Variants in SPTBN5 observed in about 807,000 individuals in gnomAD.
SPTBN5 encodes the protein spectrin beta, non-erythrocytic 5.
Under a neutral mutation model 477.6 loss-of-function variants are expected in SPTBN5, and 513 were observed. The ratio of observed to expected loss-of-function variants is 1.07; its 90% CI spans 1.00 to 1.16. SPTBN5 has a LOEUF of 1.16. Ranked by LOEUF, SPTBN5 falls within the 50% of genes most tolerant of loss-of-function variation. The pLI, the probability that SPTBN5 is intolerant of heterozygous loss-of-function variation, is 0.00. For synonymous variants in SPTBN5, 2,169 were observed against 2,011.7 expected (o/e 1.08, Z -2.09); for missense variants, 5,062 against 4,731.8 (o/e 1.07, Z -2.05).
rs1266766478 is a variant in SPTBN5, at chr15:41,893,470, C to T, written c.28G>A (p.Glu10Lys). The change falls in exon 2 of 68, where the codon GAG becomes AAG. Residue 10 changes from glutamate (E) to lysine (K), a missense_variant. Physicochemically the swap from Glu to Lys is moderately conservative, Grantham distance 56 (BLOSUM62 1). Coordinates refer to ENST00000320955, the MANE Select transcript of SPTBN5 (RefSeq NM_016642.4). MAGQPHSPRELLGAAGHRSR... is the reference protein window; with the variant it reads MAGQPHSPRKLLGAAGHRSR... ...CGGTGCCCTGCAGCCCCGAGGAGCT[C>T]CCGGGGACTGTGGGGCTGACCAGCC... 3.1e-6 allele frequency: 5 copies of T among 1,598,918 alleles called. No individual in the cohort carries two copies. The highest frequency in any genetic ancestry group is 4.3e-6 in the Non-Finnish European group (5 of 1,175,232).
At position 41,873,830 on chromosome 15, in the gene SPTBN5, C is replaced by T. The variant is rs2066623113; in HGVS notation, c.4890+15G>A. On this transcript the variant is annotated intron_variant, in intron 25 of 67. Coordinates refer to ENST00000320955, the MANE Select transcript of SPTBN5 (RefSeq NM_016642.4). The stretch of plus-strand genomic sequence containing the variant: ...CTTCTGCCTCTTCCCCCAACCCCAC[C>T]TCTCTGCATCCTACCTGCTGGAAAG... The T allele has an allele frequency of 1.2e-6, 2 of 1,608,498 alleles. No individual in the cohort carries two copies. The highest frequency in any genetic ancestry group is 2.2e-5 in the East Asian group (1 of 44,894).
chr15:41,848,179 G>C lies in SPTBN5; in HGVS notation c.*437C>G. 1.9e-6 allele frequency: 1 copy of C among 522,122 alleles called. No individual in the cohort carries two copies. Among genetic ancestry groups the C allele is most frequent in the Non-Finnish European group, 3.5e-6 (1 of 289,636 alleles). 32.3% of individuals were successfully genotyped at this position (522,122 alleles called of 1,614,324 possible). A position where few individuals can be genotyped will look rare whatever the true frequency, so the allele number is the denominator to read the frequency against. ...TGAGACCATCTGTTATTACTGCTGA[G>C]AAGGGCCATGTCATTCTAGGCTCTT... On this transcript the variant is annotated 3_prime_UTR_variant, in exon 68 of 68. Transcript: ENST00000320955.
In SPTBN5 at chr15:41,879,419, T is replaced by A. The variant is rs778380805; in HGVS notation, c.3023A>T (p.Glu1008Val). 16 of 1,610,044 alleles carry A rather than the reference T, an allele frequency of 9.9e-6. No individual in the cohort carries two copies. Among genetic ancestry groups the A allele is most frequent in the Non-Finnish European group, 1.4e-5 (16 of 1,179,408 alleles). ...HSVEVCSFLQ[E>V]CGPTQVQLRD... Reference sequence around the variant, plus strand: ...CAGCTGGACCTGTGTGGGTCCACACTCCTGCAGAAAACTGCACACTTCCAC... The same window carrying A: ...CAGCTGGACCTGTGTGGGTCCACACACCTGCAGAAAACTGCACACTTCCAC... The change falls in exon 16 of 68, where the codon GAG (glutamate) becomes GTG (valine). Residue 1008 changes from glutamate to valine, a missense_variant. Physicochemically the swap from Glu to Val is moderately radical, Grantham distance 121 (BLOSUM62 -2). Coordinates refer to ENST00000320955, the MANE Select transcript of SPTBN5 (RefSeq NM_016642.4).
In SPTBN5 at chr15:41,848,643, G is replaced by T; in HGVS notation, c.11013-15C>A. On this transcript the variant is annotated splice_polypyrimidine_tract_variant and intron_variant, in intron 67 of 67. Coordinates refer to ENST00000320955, the MANE Select transcript of SPTBN5 (RefSeq NM_016642.4). ...AGGGATCAGACCTGTTGGGAAAACG[G>T]AATGAATTTAGTAGGGTATGGCCAC... 6.2e-7 allele frequency: 1 copy of T among 1,613,818 alleles called. No individual in the cohort carries two copies. The highest frequency in any genetic ancestry group is 8.5e-7 in the Non-Finnish European group (1 of 1,179,784).
chr15:41,853,966 G>T, intron 57 of SPTBN5, 84 bp downstream of exon 57: 2 of 1,477,486 alleles, frequency 1.4e-6, no homozygotes, highest in Non-Finnish European at 1.8e-6. Flanking sequence ...AAGCAGGCTG[G>T]GGTGGGAGGG....
intron 6 of SPTBN5, among the ~76,000 whole-genome samples, chr15:41,886,945 A>G (rs1376980544): frequency 6.6e-6 from 1 of 152,262 alleles, no homozygotes; most frequent in Non-Finnish European, 1.5e-5. Context: ...AGAGTCGGGA[A>G]GAAGGGGGAG....
At chr15:41,868,719 G>A (rs1228254825) in intron 32 of SPTBN5, 118 bp from the exon 33 acceptor site, 4 of 971,074 alleles carry the variant, frequency 4.1e-6, no homozygotes, top group African/African-American at 1.6e-5. Flanking sequence ...GCCGACCTGG[G>A]TCAGGGCCTC....
chr15:41,886,447 C>G, intron 6 of SPTBN5, 81 bp from the exon 7 acceptor site: 1 of 1,450,660 alleles, frequency 6.9e-7, no homozygotes, highest in Non-Finnish European at 9.2e-7. Context: ...CCAGAGTTCC[C>G]CAGGTGGGCT....
At chr15:41,851,629 C>T in intron 63 of SPTBN5, 150 bp downstream of exon 63, 2 of 659,784 alleles carry the variant, frequency 3.0e-6, no homozygotes, top group Non-Finnish European at 5.3e-6. Flanking sequence ...GGAAGGGTCC[C>T]AAGGAGCCAA....
At chr15:41,864,103 C>A in intron 39 of SPTBN5, 79 bp from the exon 40 acceptor site, 2 of 1,276,238 alleles carry the variant, frequency 1.6e-6, no homozygotes, top group Non-Finnish European at 1.1e-6. Context: ...GCACTGAAAG[C>A]ATGCCTGGGC....
chr15:41,852,701 C>G lies in SPTBN5; in HGVS notation c.10382G>C (p.Arg3461Thr). 1.2e-6 allele frequency: 2 copies of G among 1,613,242 alleles called. No individual in the cohort carries two copies. Among genetic ancestry groups the G allele is most frequent in the South Asian group, 1.1e-5 (1 of 91,084 alleles). Residue 3461 changes from arginine (R) to threonine (T), a missense_variant, in exon 61 of 68, where the codon AGA becomes ACA. Physicochemically the swap from Arg to Thr is moderately conservative, Grantham distance 71. Coordinates refer to ENST00000320955, the MANE Select transcript of SPTBN5 (RefSeq NM_016642.4). ...CAGCAGCTTTTCTAAGTCCTGGTGT[C>G]TGTGCAGCAGCAACTCCACATCTGA... ...SVSDVELLLH[R>T]HQDLEKLLAA...
At chr15:41,856,754 C>A in intron 52 of SPTBN5, 99 bp downstream of exon 52, 2 of 1,384,592 alleles carry the variant, frequency 1.4e-6, no homozygotes, top group South Asian at 1.4e-5. Context: ...AAAGCCCCCA[C>A]AGGCAGAGAG....
chr15:41,855,253 C>A lies in SPTBN5; in HGVS notation c.9394G>T (p.Asp3132Tyr), dbSNP rs752994657. The change falls in exon 55 of 68, where the codon GAC (aspartate) becomes TAC (tyrosine). Residue 3132 changes from aspartate to tyrosine, a missense_variant. Coordinates refer to ENST00000320955, the MANE Select transcript of SPTBN5 (RefSeq NM_016642.4). The stretch of plus-strand genomic sequence containing the variant: ...ACACCCTCCAGGTCCTGCCCGTAGT[C>A]CTGGGACTCGGCGGTGGCCGCCTTG... ...TTKAATAESQ[D>Y]YGQDLEGVKV... 6.2e-7 allele frequency: 1 copy of A among 1,612,492 alleles called. No individual in the cohort carries two copies. Among genetic ancestry groups the A allele is most frequent in the Admixed American group, 1.7e-5 (1 of 59,992 alleles).
intron 19 of SPTBN5, 21 bp downstream of exon 19, chr15:41,876,788 G>T: frequency 6.2e-7 from 1 of 1,609,306 alleles, no homozygotes; most frequent in South Asian, 1.1e-5. Flanking sequence ...TGCAGGTGCT[G>T]CAGACTGAGG....
At chr15:41,863,432 A>G (rs1319972956) in intron 41 of SPTBN5, among the ~76,000 whole-genome samples, 1 of 152,146 alleles carries the variant, frequency 6.6e-6, no homozygotes, top group Non-Finnish European at 1.5e-5. Context: ...TGGCCTCTGG[A>G]CCTGCCATGT....
chr15:41,888,192 C>A (rs2067213979), intron 4 of SPTBN5, 107 bp from the exon 5 acceptor site: 7 of 1,184,196 alleles, frequency 5.9e-6, no homozygotes, highest in Non-Finnish European at 8.2e-6. Context: ...CCTGCTCCTC[C>A]CTGGCCCGGG....
intron 49 of SPTBN5, 139 bp from the exon 50 acceptor site, chr15:41,857,849 T>TA (rs1330446781): frequency 9.9e-7 from 1 of 1,007,030 alleles, no homozygotes; most frequent in Non-Finnish European, 1.4e-6. Flanking sequence ...TTTCTTTACC[T>TA]AAGCCTCATT....
intron 14 of SPTBN5, 87 bp from the exon 15 acceptor site, chr15:41,879,951 C>T (rs1307066561): frequency 6.4e-7 from 1 of 1,551,350 alleles, no homozygotes; most frequent in Non-Finnish European, 8.8e-7. Context: ...GAGTGGTGCT[C>T]TCTGCTACAG....
At position 41,881,307 on chromosome 15, in the gene SPTBN5, C is replaced by A. The variant is rs1005285350; in HGVS notation, c.2458-73G>T. ...AGGGGCTTTGGCCAGGCCACCCCTA[C>A]CTCCGTGCCCTGAGACCTGGAGGCG... On this transcript the variant is annotated intron_variant, in intron 12 of 67. Coordinates refer to ENST00000320955, the MANE Select transcript of SPTBN5 (RefSeq NM_016642.4). The A allele has an allele frequency of 6.2e-6, 8 of 1,283,574 alleles. No individual in the cohort carries two copies. In the African/African-American group the frequency reaches 7.4e-5, roughly 12 times the overall value. 79.5% of individuals were successfully genotyped at this position (1,283,574 alleles called of 1,614,324 possible).
Sources: allele counts gnomAD v4.1 joint callset (sites outside exome capture counted in the v4.1 genomes callset), GRCh38; gene constraint gnomAD v4.1.1; transcripts MANE v1.5; gene names NCBI Gene and HGNC (gene_info 2026-07-23, HGNC 2026-07-21).